Variants in ESRRB observed in about 807,000 individuals in gnomAD.
ESRRB encodes the protein estrogen related receptor beta.
Under a neutral mutation model 46.0 loss-of-function variants are expected in ESRRB, and 16 were observed. The ratio of observed to expected loss-of-function variants is 0.35; its 90% CI spans 0.24 to 0.53. The LOEUF (loss-of-function observed/expected upper bound fraction) is 0.53. Ranked by LOEUF, ESRRB falls within the 20% of genes least tolerant of loss-of-function variation. The probability of loss-of-function intolerance (pLI) is 0.93; values close to 1 mark genes in which losing one functional copy is unlikely to be tolerated. For missense variants in ESRRB, 488 were observed against 607.4 expected (o/e 0.80, Z 2.07); for synonymous variants, 246 against 259.6 (o/e 0.95, Z 0.50).
At chr14:76,334,685 C>T (rs547888890) in intron 1 of ESRRB, among the ~76,000 whole-genome samples, 51 of 152,310 alleles carry the variant, frequency 3.3e-4, no homozygotes, top group African/African-American at 1.2e-3. Flanking sequence ...AAAGATGTCT[C>T]CCCAACTTCA....
chr14:76,328,673 C>A (rs560300461), intron 1 of ESRRB, among the ~76,000 whole-genome samples: 1 of 152,230 alleles, frequency 6.6e-6, no homozygotes, highest in Admixed American at 6.5e-5. Context: ...TGGGCTGCAT[C>A]CCTGTGTCCT....
intron 1 of ESRRB, among the ~76,000 whole-genome samples, chr14:76,311,162 G>A (rs1412009168): frequency 6.6e-6 from 1 of 152,114 alleles, no homozygotes; most frequent in Non-Finnish European, 1.5e-5. Flanking sequence ...GGCTAGGTGG[G>A]ACGGTGACAC....
At chr14:76,440,982 AG>A (rs770783858) in intron 2 of ESRRB, among the ~76,000 whole-genome samples, 9 of 152,182 alleles carry the variant, frequency 5.9e-5, no homozygotes, top group Non-Finnish European at 1.3e-4. Flanking sequence ...CGGGAGGTGG[AG>A]GTTGCAGTGA....
intron 1 of ESRRB, among the ~76,000 whole-genome samples, chr14:76,360,170 C>T (rs61979377): frequency 0.2 from 29,752 of 152,076 alleles, 3,644 homozygotes; most frequent in Non-Finnish European, 0.28. Context: ...GCCCTGCTGG[C>T]TGACTGTGTC....
intron 3 of ESRRB, among the ~76,000 whole-genome samples, chr14:76,473,599 G>A (rs1033429526): frequency 6.6e-6 from 1 of 152,244 alleles, no homozygotes; most frequent in African/African-American, 2.4e-5. Flanking sequence ...GAAGCTTAAA[G>A]TGGCCCCGCT....
At chr14:76,454,093 A>C (rs1222497698) in intron 2 of ESRRB, among the ~76,000 whole-genome samples, 4 of 152,274 alleles carry the variant, frequency 2.6e-5, no homozygotes, top group African/African-American at 9.6e-5. Context: ...GGGAGATGAA[A>C]TCTAACAAAA....
At chr14:76,358,392 A>AAAGAAAGAAAGG (rs1884421170) in intron 1 of ESRRB, among the ~76,000 whole-genome samples, 1 of 123,946 alleles carries the variant, frequency 8.1e-6, no homozygotes, top group South Asian at 2.6e-4. Context: ...AGAAAGAAAG[A>AAAGAAAGAAAGG]AAGAAAGAAA....
At chr14:76,335,681 C>G (rs11622335) in intron 1 of ESRRB, among the ~76,000 whole-genome samples, 1 of 151,892 alleles carries the variant, frequency 6.6e-6, no homozygotes, top group Admixed American at 6.6e-5. Flanking sequence ...TCTAAGTTGG[C>G]GAATTCTCTG....
Position 76,498,448 on chromosome 14 carries a change from C to A in ESRRB, c.1355C>A (p.Ala452Asp). The change falls in exon 7 of 7, where the codon GCC becomes GAC. Residue 452 changes from alanine to aspartate, a missense_variant. Transcript: ENST00000644823. Reference sequence around the variant, plus strand: ...AAACTCTTCCTGGAGATGCTGGAGGCCAAGGTGTGATGGCCCCGCACACGG... The same window carrying A: ...AAACTCTTCCTGGAGATGCTGGAGGACAAGGTGTGATGGCCCCGCACACGG... ...MHKLFLEMLE[A>D]KV 6.2e-7 allele frequency: 1 copy of A among 1,613,344 alleles called. No individual in the cohort carries two copies. The highest frequency in any genetic ancestry group is 8.5e-7 in the Non-Finnish European group (1 of 1,180,010).
chr14:76,469,034 TC>T (rs1308244052), intron 3 of ESRRB, among the ~76,000 whole-genome samples: 1 of 152,194 alleles, frequency 6.6e-6, no homozygotes, highest in East Asian at 1.9e-4. Context: ...CAAACGCTGG[TC>T]CCCCTCCTGC....
intron 1 of ESRRB, among the ~76,000 whole-genome samples, chr14:76,435,808 G>A (rs1010094174): frequency 6.6e-6 from 1 of 152,206 alleles, no homozygotes; most frequent in Non-Finnish European, 1.5e-5. Context: ...TCTAGGCTGG[G>A]TGACACAGTG....
At chr14:76,460,187 C>A (rs1448700971) in intron 2 of ESRRB, among the ~76,000 whole-genome samples, 1 of 152,220 alleles carries the variant, frequency 6.6e-6, no homozygotes, top group African/African-American at 2.4e-5. Context: ...CACAGGGAAG[C>A]CCAAGGCCAC....
Position 76,476,909 on chromosome 14 carries a change from G to A in ESRRB, c.578-5107G>A, listed in dbSNP as rs75318482. Among the ~76,000 whole-genome samples the A allele has an allele frequency of 1.7e-3, 259 of 152,282 alleles. 1 individual carries two copies. The highest frequency in any genetic ancestry group is 5.8e-3 in the African/African-American group (241 of 41,558). On this transcript the variant is annotated intron_variant, in intron 3 of 6. Transcript: ENST00000644823. The stretch of plus-strand genomic sequence containing the variant: ...TCCCTTTTCTCAGAAAAGCAAAACC[G>A]TTCCAGAAGTCCTGCCATGGACTTA...
intron 3 of ESRRB, among the ~76,000 whole-genome samples, chr14:76,464,506 G>A (rs1028632510): frequency 2.6e-5 from 4 of 152,154 alleles, no homozygotes; most frequent in Admixed American, 6.5e-5. Flanking sequence ...GGCCCTCGGC[G>A]GCCTTTGTGT....
intron 1 of ESRRB, among the ~76,000 whole-genome samples, chr14:76,428,883 G>A (rs1483592923): frequency 6.6e-6 from 1 of 152,170 alleles, no homozygotes; most frequent in African/African-American, 2.4e-5. Flanking sequence ...GCCTGGTTTT[G>A]ACTAATCTTT....
chr14:76,401,123 C>T (rs780854648), intron 1 of ESRRB, among the ~76,000 whole-genome samples: 17 of 152,214 alleles, frequency 1.1e-4, no homozygotes, highest in Non-Finnish European at 1.6e-4. Context: ...CGAGAAAAGG[C>T]ACTAAACATC....
intron 1 of ESRRB, among the ~76,000 whole-genome samples, chr14:76,321,042 T>C (rs1381102494): frequency 6.6e-6 from 1 of 152,188 alleles, no homozygotes; most frequent in Non-Finnish European, 1.5e-5. Context: ...TATAAAGATT[T>C]TTTCTTATTT....
At chr14:76,410,578 G>A (rs1386277774) in intron 1 of ESRRB, among the ~76,000 whole-genome samples, 1 of 152,122 alleles carries the variant, frequency 6.6e-6, no homozygotes, top group Non-Finnish European at 1.5e-5. Context: ...GAGAATGGAG[G>A]CACAGGTTGG....
chr14:76,332,395 C>T (rs903771072), intron 1 of ESRRB, among the ~76,000 whole-genome samples: 1 of 139,958 alleles, frequency 7.1e-6, no homozygotes, highest in African/African-American at 2.7e-5. Context: ...ATCTCCTGGG[C>T]TCAAGCCATC....
Sources: allele counts gnomAD v4.1 joint callset (sites outside exome capture counted in the v4.1 genomes callset), GRCh38; gene constraint gnomAD v4.1.1; transcripts MANE v1.5; gene names NCBI Gene and HGNC (gene_info 2026-07-23, HGNC 2026-07-21).